ZNF521: variants seen among roughly 807,000 people sequenced by gnomAD.
The protein encoded by ZNF521 is zinc finger protein 521, also known as LYST-interacting protein 3.
In ZNF521, 14 loss-of-function variants were observed where a neutral mutation model predicts 105.5. That is an observed-to-expected ratio of 0.13 (90% CI 0.09 to 0.21). ZNF521 has a LOEUF of 0.21. ZNF521 is among the 10% of genes least tolerant of loss of function. The pLI, the probability that ZNF521 is intolerant of heterozygous loss-of-function variation, is 1.00. For missense variants in ZNF521, 1,233 were observed against 1,629.7 expected, an observed-to-expected ratio of 0.76 and a Z score of 4.19; for synonymous variants, 635 against 606.0, an observed-to-expected ratio of 1.05 and a Z score of -0.70.
rs1308012735 is a variant in ZNF521 at position 25,278,667 on chromosome 18, G to A, written c.220+43341C>T. Among the ~76,000 whole-genome samples, 7 of 152,268 alleles carry A rather than the reference G, an allele frequency of 4.6e-5. No homozygotes were observed. The East Asian group carries it at 9.6e-4, about 21-fold the overall frequency. On this transcript the variant is annotated intron_variant, in intron 3 of 7. Coordinates refer to ENST00000361524, the MANE Select transcript of ZNF521 (RefSeq NM_015461.3). Reference sequence around the variant, plus strand: ...TTTCAATACTTTCAAGTCACTTGCTGGCTAGAAAAGAAATTGCACTGTAAT... The same window carrying A: ...TTTCAATACTTTCAAGTCACTTGCTAGCTAGAAAAGAAATTGCACTGTAAT...
chr18:25,115,384 T>C (rs898826428), intron 5 of ZNF521, among the ~76,000 whole-genome samples: 2 of 152,186 alleles, frequency 1.3e-5, no homozygotes, highest in African/African-American at 2.4e-5. Context: ...TTAGTCCCCA[T>C]TGGGGGCTAT....
At chr18:25,207,139 G>T (rs764613483) in intron 4 of ZNF521, among the ~76,000 whole-genome samples, 5 of 152,078 alleles carry the variant, frequency 3.3e-5, no homozygotes, top group Non-Finnish European at 7.4e-5. Context: ...CTTATATAGG[G>T]TATTGTGGAG....
At chr18:25,205,998 ATTTG>A (rs562990622) in intron 4 of ZNF521, among the ~76,000 whole-genome samples, 171 of 151,554 alleles carry the variant, frequency 1.1e-3, no homozygotes, top group Non-Finnish European at 1.9e-3. Context: ...TTTTTTTTTA[ATTTG>A]TTTGTTTTTT....
At chr18:25,196,331 G>A (rs2035901355) in intron 4 of ZNF521, among the ~76,000 whole-genome samples, 1 of 151,476 alleles carries the variant, frequency 6.6e-6, no homozygotes, top group African/African-American at 2.4e-5. Context: ...ATATAAAATT[G>A]TTTTACTGAT....
At chr18:25,214,333 T>C (rs1337811398) in intron 4 of ZNF521, among the ~76,000 whole-genome samples, 2 of 152,124 alleles carry the variant, frequency 1.3e-5, no homozygotes, top group African/African-American at 4.8e-5. Context: ...CCCCTTTTCA[T>C]TATTAATATT....
At position 25,225,923 on chromosome 18, in the gene ZNF521, G is replaced by A. The variant is rs200176716; in HGVS notation, c.1995C>T (p.Thr665=). ...THLDTVLPKL[T]CPQCNKEFPN... ...GGAATTCCTTGTTGCACTGAGGACA[G>A]GTCAATTTTGGAAGCACAGTGTCGA... The change falls in exon 4 of 8, where the codon ACC becomes ACT. Residue 665 remains threonine, a synonymous_variant. Transcript: ENST00000361524. The surrounding 1 kb of genome is among the most constrained non-coding windows in gnomAD (Gnocchi z 5.6). 1.2e-5 allele frequency: 19 copies of A among 1,614,016 alleles called. No individual in the cohort carries two copies. The highest frequency in any genetic ancestry group is 2.2e-5 in the South Asian group (2 of 91,092).
At chr18:25,216,563 G>A (rs913893103) in intron 4 of ZNF521, among the ~76,000 whole-genome samples, 1 of 152,140 alleles carries the variant, frequency 6.6e-6, no homozygotes. Context: ...GAACGAAATA[G>A]GGCTTTTTTC....
In ZNF521 at chr18:25,062,605, A is replaced by G. The variant is rs1599949062; in HGVS notation, c.*107T>C. ...TAATACAAGTTTTATGGTACAATAC[A>G]ATGTTTCTGAATAATATACATTAAC... On this transcript the variant is annotated 3_prime_UTR_variant, in exon 8 of 8. Transcript: ENST00000361524. 1 of 1,402,550 alleles carries G rather than the reference A, an allele frequency of 7.1e-7. No homozygotes were observed. Among genetic ancestry groups the G allele is most frequent in the East Asian group, 2.3e-5 (1 of 43,888 alleles). 86.9% of individuals were successfully genotyped at this position (1,402,550 alleles called of 1,614,324 possible). A position where few individuals can be genotyped will look rare whatever the true frequency, so the allele number is the denominator to read the frequency against.
rs529561611 is a variant in ZNF521 at position 25,255,791 on chromosome 18, T to C, written c.221-28094A>G. ...CCCAGCAATGCCACTTCTGGACATATACTCAAAAGAAATGAAAGCACAGTC... is the reference window on the plus strand; with the variant it reads ...CCCAGCAATGCCACTTCTGGACATACACTCAAAAGAAATGAAAGCACAGTC... On this transcript the variant is annotated intron_variant, in intron 3 of 7. Transcript: ENST00000361524. Among the ~76,000 whole-genome samples, 18 of 151,970 alleles carry C rather than the reference T, an allele frequency of 1.2e-4. No homozygotes were observed. The East Asian group carries it at 2.1e-3, about 18-fold the overall frequency.
intron 2 of ZNF521, among the ~76,000 whole-genome samples, chr18:25,325,433 G>A (rs1408633116): frequency 6.6e-6 from 1 of 152,118 alleles, no homozygotes. Flanking sequence ...TTCAACCTAA[G>A]GGGTTATAAA....
chr18:25,091,074 C>T (rs1186735465), intron 6 of ZNF521, among the ~76,000 whole-genome samples: 1 of 152,142 alleles, frequency 6.6e-6, no homozygotes, highest in Non-Finnish European at 1.5e-5. Flanking sequence ...TCTATAGGCT[C>T]AGTTCAGTGA....
At chr18:25,166,931 A>G (rs1436365405) in intron 5 of ZNF521, among the ~76,000 whole-genome samples, 4 of 152,218 alleles carry the variant, frequency 2.6e-5, no homozygotes, top group Non-Finnish European at 4.4e-5. Flanking sequence ...CTAATATGCT[A>G]TTAGTGTTGG....
intron 7 of ZNF521, among the ~76,000 whole-genome samples, chr18:25,080,907 GT>G (rs1266456990): frequency 2.6e-5 from 4 of 152,244 alleles, no homozygotes; most frequent in African/African-American, 4.8e-5. Flanking sequence ...ATTGCAGAAT[GT>G]TTTGGAAATT....
At chr18:25,326,502 ATC>A (rs1913231651) in intron 2 of ZNF521, among the ~76,000 whole-genome samples, 1 of 152,202 alleles carries the variant, frequency 6.6e-6, no homozygotes, top group South Asian at 2.1e-4. Context: ...GCCTCATTAA[ATC>A]TCTGCAGTAA....
At chr18:25,279,615 T>C (rs147138490) in intron 3 of ZNF521, among the ~76,000 whole-genome samples, 99 of 152,346 alleles carry the variant, frequency 6.5e-4, no homozygotes, top group African/African-American at 2.2e-3. Flanking sequence ...TGTGATGTGG[T>C]ATTCAACCAG....
chr18:25,172,437 C>T (rs2035465009), intron 5 of ZNF521, among the ~76,000 whole-genome samples: 1 of 152,156 alleles, frequency 6.6e-6, no homozygotes, highest in African/African-American at 2.4e-5. Context: ...GTCATGACCT[C>T]TATGCTTTCA....
chr18:25,148,286 C>A (rs1159162060), intron 5 of ZNF521, among the ~76,000 whole-genome samples: 1 of 152,146 alleles, frequency 6.6e-6, no homozygotes, highest in Non-Finnish European at 1.5e-5. Flanking sequence ...CTTATTTATG[C>A]CATTCTTAGT....
intron 5 of ZNF521, among the ~76,000 whole-genome samples, chr18:25,128,369 T>A (rs2144381944): frequency 6.6e-6 from 1 of 152,098 alleles, no homozygotes; most frequent in Non-Finnish European, 1.5e-5. Flanking sequence ...ATACCAGTGG[T>A]AAGAAGCTAG....
intron 3 of ZNF521, among the ~76,000 whole-genome samples, chr18:25,236,442 A>T (rs958882961): frequency 3.3e-5 from 5 of 152,050 alleles, no homozygotes; most frequent in African/African-American, 1.2e-4. Flanking sequence ...AGGCTGAGGC[A>T]GGAGAATTGC....
Sources: allele counts gnomAD v4.1 joint callset (sites outside exome capture counted in the v4.1 genomes callset), GRCh38; gene constraint gnomAD v4.1.1; non-coding constraint Gnocchi (gnomAD v3.1); transcripts MANE v1.5; gene names NCBI Gene and HGNC (gene_info 2026-07-23, HGNC 2026-07-21).